Variants in KCNH1 observed in about 807,000 individuals in gnomAD.
The protein encoded by KCNH1 is potassium voltage-gated channel subfamily H member 1.
A neutral mutation model predicts 69.2 loss-of-function variants in KCNH1; 27 were observed. That is an observed-to-expected ratio of 0.39 (90% CI 0.29 to 0.54). The LOEUF (loss-of-function observed/expected upper bound fraction) is 0.54, where lower values mean the gene tolerates loss of function less well. Among genes scored for constraint, KCNH1 ranks in the 20% least tolerant of loss-of-function variants. The pLI, the probability that KCNH1 is intolerant of heterozygous loss-of-function variation, is 0.68. For synonymous variants in KCNH1, 456 were observed against 487.7 expected (o/e 0.93, Z 0.86); for missense variants, 798 against 1,261.6 (o/e 0.63, Z 5.57).
chr1:210,777,715 G>A (rs141673346), intron 9 of KCNH1, among the ~76,000 whole-genome samples: 1 of 152,148 alleles, frequency 6.6e-6, no homozygotes, highest in Non-Finnish European at 1.5e-5. Flanking sequence ...TGTTCCTCTA[G>A]AGAATATCCT....
chr1:210,853,946 CAAAAAAA>C (rs11445997), intron 7 of KCNH1, among the ~76,000 whole-genome samples: 15 of 61,532 alleles, frequency 2.4e-4, no homozygotes, highest in South Asian at 2.1e-3. Flanking sequence ...TTATCTAAGC[CAAAAAAA>C]AAAAAAAAAA....
chr1:211,007,933 C>T (rs1332694361), intron 6 of KCNH1, among the ~76,000 whole-genome samples: 2 of 14,814 alleles, frequency 1.4e-4, no homozygotes, highest in Non-Finnish European at 1.1e-4. Flanking sequence ...AAAAAGGGAA[C>T]CTTGAGCACT....
At chr1:210,921,015 T>C (rs1208996140) in intron 6 of KCNH1, among the ~76,000 whole-genome samples, 3 of 152,184 alleles carry the variant, frequency 2.0e-5, no homozygotes, top group Non-Finnish European at 4.4e-5. Flanking sequence ...AGTACAAACC[T>C]GGAAAATGGG....
chr1:210,821,946 C>G (rs1161707932), intron 7 of KCNH1, among the ~76,000 whole-genome samples: 2 of 151,972 alleles, frequency 1.3e-5, no homozygotes, highest in East Asian at 3.9e-4. Flanking sequence ...AAGTAATCCT[C>G]CCACCTCAGC....
chr1:211,065,272 G>A (rs1205154379), intron 5 of KCNH1, among the ~76,000 whole-genome samples: 1 of 152,100 alleles, frequency 6.6e-6, no homozygotes, highest in Non-Finnish European at 1.5e-5. Context: ...AACAAAATGT[G>A]GCACATATAC....
At chr1:211,023,934 G>A (rs1403877587) in intron 5 of KCNH1, among the ~76,000 whole-genome samples, 1 of 152,112 alleles carries the variant, frequency 6.6e-6, no homozygotes, top group East Asian at 1.9e-4. Flanking sequence ...AACTAGAAGA[G>A]AGGATCTTAA....
At chr1:210,981,727 C>T (rs1688714019) in intron 6 of KCNH1, among the ~76,000 whole-genome samples, 1 of 152,128 alleles carries the variant, frequency 6.6e-6, no homozygotes, top group Admixed American at 6.6e-5. Context: ...GGCAAAACTT[C>T]CTGGCAAACT....
chr1:210,822,878 T>C (rs1274071094), intron 7 of KCNH1, among the ~76,000 whole-genome samples: 1 of 152,094 alleles, frequency 6.6e-6, no homozygotes, highest in South Asian at 2.1e-4. Context: ...CTACCTGAAA[T>C]GTAGTTATGT....
intron 6 of KCNH1, among the ~76,000 whole-genome samples, chr1:210,990,178 C>A (rs1004914570): frequency 3.9e-5 from 6 of 152,166 alleles, no homozygotes; most frequent in Non-Finnish European, 1.5e-5. Flanking sequence ...TACAGCCTTG[C>A]CAAAGTGCCC....
chr1:210,703,955 T>TAA (rs981458832), intron 10 of KCNH1, among the ~76,000 whole-genome samples: 12 of 152,256 alleles, frequency 7.9e-5, no homozygotes, highest in African/African-American at 2.6e-4. Context: ...TGCTCCATGA[T>TAA]AAAGTGCAGC....
At chr1:210,690,990 A>C (rs117580853) in intron 10 of KCNH1, among the ~76,000 whole-genome samples, 1 of 152,338 alleles carries the variant, frequency 6.6e-6, no homozygotes, top group East Asian at 1.9e-4. Flanking sequence ...ACGCTTTGGA[A>C]GTCAGGCGGA....
At chr1:210,692,232 T>C (rs137888465) in intron 10 of KCNH1, among the ~76,000 whole-genome samples, 56 of 152,312 alleles carry the variant, frequency 3.7e-4, no homozygotes, top group African/African-American at 1.3e-3. Context: ...GCATGGGCAG[T>C]AGGTGGATTG....
intron 7 of KCNH1, among the ~76,000 whole-genome samples, chr1:210,857,133 C>T (rs1685867409): frequency 6.6e-6 from 1 of 151,850 alleles, no homozygotes; most frequent in Non-Finnish European, 1.5e-5. Flanking sequence ...TCTGTATGCA[C>T]ATTAAAATCT....
At chr1:210,900,340 G>C (rs1686968574) in intron 7 of KCNH1, among the ~76,000 whole-genome samples, 1 of 152,224 alleles carries the variant, frequency 6.6e-6, no homozygotes, top group South Asian at 2.1e-4. Flanking sequence ...TGTTCAGACA[G>C]TTCATCTGAG....
intron 9 of KCNH1, among the ~76,000 whole-genome samples, chr1:210,777,886 T>A (rs904412865): frequency 6.6e-6 from 1 of 152,188 alleles, no homozygotes. Flanking sequence ...CAATAGAAAG[T>A]GGAAGAAGCG....
chr1:211,026,839 G>C (rs1689693020), intron 5 of KCNH1, among the ~76,000 whole-genome samples: 1 of 152,152 alleles, frequency 6.6e-6, no homozygotes, highest in Non-Finnish European at 1.5e-5. Context: ...TTAGCGAGGA[G>C]CTGGAATTCC....
At chr1:210,947,917 G>T (rs572096143) in intron 6 of KCNH1, among the ~76,000 whole-genome samples, 1 of 151,808 alleles carries the variant, frequency 6.6e-6, no homozygotes, top group East Asian at 1.9e-4. Context: ...ATAATAAATC[G>T]AGATAATTGC....
intron 6 of KCNH1, among the ~76,000 whole-genome samples, chr1:211,003,921 G>A (rs1268213385): frequency 6.6e-5 from 10 of 151,894 alleles, no homozygotes; most frequent in East Asian, 1.9e-4. Flanking sequence ...GTGAAACCCC[G>A]TCTCTACTAA....
rs530018232 is a variant in KCNH1 at position 210,861,020 on chromosome 1, G to T, written c.1463-56854C>A. 3.0e-5 allele frequency: 32 copies of T among 1,061,282 alleles called. No homozygotes were observed. The African/African-American group carries it at 4.8e-4, about 16-fold the overall frequency. The allele number at this position is 1,061,282 out of a possible 1,614,324, so 65.7% of individuals were successfully genotyped here. On this transcript the variant is annotated intron_variant, in intron 7 of 10. Coordinates refer to ENST00000271751, the MANE Select transcript of KCNH1 (RefSeq NM_172362.3). ...TTTTCAAAGGTCAGCATTGGGTTCT[G>T]TAAGAATCTGGTAACAAAATCCCAT... is the stretch of plus-strand genomic sequence containing the variant.
Sources: gnomAD v4.1 joint callset for allele counts (sites outside exome capture counted in the v4.1 genomes callset) on GRCh38, gnomAD v4.1.1 for gene constraint, MANE v1.5 for transcripts, NCBI Gene and HGNC (gene_info 2026-07-23, HGNC 2026-07-21) for gene names.